Variants in CLEC16A observed in about 807,000 individuals in gnomAD.
CLEC16A encodes protein CLEC16A.
CLEC16A carries 51 observed loss-of-function variants against 109.5 expected under a neutral mutation model. The observed-to-expected ratio is 0.47, with a 90% CI of 0.37 to 0.59. The LOEUF is 0.59. Among genes scored for constraint, CLEC16A ranks in the 20% least tolerant of loss-of-function variants. CLEC16A has a pLI of 0.00. For missense variants in CLEC16A, 1,339 were observed against 1,394.0 expected (o/e 0.96, Z 0.63); for synonymous variants, 673 against 564.2 (o/e 1.19, Z -2.73).
intron 19 of CLEC16A, among the ~76,000 whole-genome samples, chr16:11,096,669 C>T (rs150953097): frequency 1.4e-3 from 219 of 152,272 alleles, no homozygotes; most frequent in Middle Eastern, 6.8e-3. Context: ...CTTAATTTTT[C>T]ACTCCAGGCC....
At chr16:11,011,510 C>A (rs1166897856) in intron 11 of CLEC16A, among the ~76,000 whole-genome samples, 2 of 152,142 alleles carry the variant, frequency 1.3e-5, no homozygotes, top group South Asian at 2.1e-4. Context: ...CAGTCACTTA[C>A]ACTTTCTGGC....
At chr16:11,130,484 G>A (rs1231578921) in intron 22 of CLEC16A, among the ~76,000 whole-genome samples, 2 of 152,206 alleles carry the variant, frequency 1.3e-5, no homozygotes, top group Non-Finnish European at 1.5e-5. Flanking sequence ...ATGTACCCAG[G>A]TGACAGATTT....
At chr16:11,176,860 G>A (rs949044772) in intron 23 of CLEC16A, among the ~76,000 whole-genome samples, 5 of 152,234 alleles carry the variant, frequency 3.3e-5, no homozygotes, top group Admixed American at 2.6e-4. Flanking sequence ...TTCGCTCCGT[G>A]ATGGGAGCTC....
At chr16:11,066,271 G>T (rs1023293987) in intron 19 of CLEC16A, among the ~76,000 whole-genome samples, 1 of 152,126 alleles carries the variant, frequency 6.6e-6, no homozygotes, top group Non-Finnish European at 1.5e-5. Context: ...AGGGACCAGG[G>T]GTCAGTGCTA....
chr16:11,140,997 A>G (rs1188421284), intron 22 of CLEC16A, among the ~76,000 whole-genome samples: 2 of 152,240 alleles, frequency 1.3e-5, no homozygotes, highest in African/African-American at 4.8e-5. Flanking sequence ...ACGTTATCGT[A>G]GTGTCATAAT....
chr16:11,063,878 G>C (rs2048624295), intron 19 of CLEC16A, among the ~76,000 whole-genome samples: 1 of 151,820 alleles, frequency 6.6e-6, no homozygotes, highest in Non-Finnish European at 1.5e-5. Context: ...AGCCACGTGT[G>C]CCACATCTGC....
intron 11 of CLEC16A, among the ~76,000 whole-genome samples, chr16:11,010,532 T>TC (rs2045336350): frequency 6.6e-6 from 1 of 152,182 alleles, no homozygotes; most frequent in African/African-American, 2.4e-5. Flanking sequence ...CCATTTACTT[T>TC]CCTATTGTAT....
At chr16:11,152,802 G>A (rs2070038873) in intron 22 of CLEC16A, among the ~76,000 whole-genome samples, 1 of 152,172 alleles carries the variant, frequency 6.6e-6, no homozygotes, top group Admixed American at 6.5e-5. Context: ...GCCTCCCTCT[G>A]ACACTGCTCC....
At chr16:11,087,252 G>A (rs996784480) in intron 19 of CLEC16A, among the ~76,000 whole-genome samples, 3 of 151,380 alleles carry the variant, frequency 2.0e-5, no homozygotes, top group Non-Finnish European at 4.4e-5. Context: ...TGCACACAAG[G>A]TGGACTTGTT....
At chr16:10,971,332 C>T (rs1249916204) in intron 5 of CLEC16A, 102 bp downstream of exon 5, 3 of 913,046 alleles carry the variant, frequency 3.3e-6, no homozygotes, top group Non-Finnish European at 5.0e-6. Context: ...CACGAGGGAG[C>T]ACATTGATGA....
intron 19 of CLEC16A, among the ~76,000 whole-genome samples, chr16:11,080,824 C>T (rs373054128): frequency 5.5e-4 from 84 of 152,340 alleles, no homozygotes; most frequent in African/African-American, 1.9e-3. Flanking sequence ...TTTTAGAACC[C>T]CTTCTGATTA....
chr16:11,025,745 T>C (rs1052862669), intron 13 of CLEC16A, among the ~76,000 whole-genome samples: 1 of 112,070 alleles, frequency 8.9e-6, no homozygotes, highest in Non-Finnish European at 1.8e-5. Flanking sequence ...ATACATGATA[T>C]AACTAAGTTT....
intron 22 of CLEC16A, among the ~76,000 whole-genome samples, chr16:11,138,261 G>A (rs940035688): frequency 3.3e-5 from 5 of 152,252 alleles, no homozygotes; most frequent in African/African-American, 1.2e-4. Flanking sequence ...CTGTGAGCAA[G>A]TCTTGCCAGC....
At position 11,181,217 on chromosome 16, in the gene CLEC16A, A is replaced by C. The variant is rs937412945; in HGVS notation, c.*2527A>C. ...CGGCAGTGGGCACAGCTATGTCTTC[A>C]GGAGCTCCCGTCAAACCTCATAGCT... On this transcript the variant is annotated 3_prime_UTR_variant, in exon 24 of 24. Transcript: ENST00000409790. 3.3e-5 allele frequency: 5 copies of C among 152,482 alleles called. No homozygotes were observed. Among genetic ancestry groups the C allele is most frequent in the African/African-American group, 1.2e-4 (5 of 41,588 alleles). 9.4% of individuals were successfully genotyped at this position (152,482 alleles called of 1,614,324 possible). A position where few individuals can be genotyped will look rare whatever the true frequency, so the allele number is the denominator to read the frequency against.
intron 2 of CLEC16A, among the ~76,000 whole-genome samples, chr16:10,959,422 T>A (rs2042148442): frequency 1.3e-5 from 2 of 152,146 alleles, no homozygotes; most frequent in Admixed American, 6.6e-5. Context: ...GATGGAGTCT[T>A]GCTCTGTCAT....
chr16:10,997,678 G>A lies in CLEC16A; in HGVS notation c.1072-5396G>A, dbSNP rs1295287096. Among the ~76,000 whole-genome samples, 6 of 152,220 alleles carry A rather than the reference G, an allele frequency of 3.9e-5. No individual in the cohort carries two copies. In the South Asian group the frequency reaches 1.0e-3, roughly 26 times the overall value. On this transcript the variant is annotated intron_variant, in intron 10 of 23. Transcript: ENST00000409790. ...GGTAATAAAACAATTGAGTGATGTAGACGCAGGTAGAGCAGAAAGTGAAAG... is the reference window on the plus strand; with the variant it reads ...GGTAATAAAACAATTGAGTGATGTAAACGCAGGTAGAGCAGAAAGTGAAAG...
At chr16:11,001,300 G>A (rs753631279) in intron 10 of CLEC16A, among the ~76,000 whole-genome samples, 1 of 152,186 alleles carries the variant, frequency 6.6e-6, no homozygotes, top group Non-Finnish European at 1.5e-5. Context: ...TGCCCAGGCT[G>A]GTCTTCAAAT....
chr16:11,115,305 T>C (rs1412374086), intron 19 of CLEC16A, among the ~76,000 whole-genome samples: 2 of 152,146 alleles, frequency 1.3e-5, no homozygotes, highest in East Asian at 3.8e-4. Context: ...AAGAACATGT[T>C]TATTGTTTTT....
chr16:11,054,932 C>CTTTT (rs151109740), intron 18 of CLEC16A, among the ~76,000 whole-genome samples: 1 of 130,612 alleles, frequency 7.7e-6, no homozygotes, highest in Non-Finnish European at 1.7e-5. Flanking sequence ...GGTTTTCTTT[C>CTTTT]TTTTTTTTTT....
Sources: gnomAD v4.1 joint callset for allele counts (sites outside exome capture counted in the v4.1 genomes callset) on GRCh38, gnomAD v4.1.1 for gene constraint, MANE v1.5 for transcripts, NCBI Gene and HGNC (gene_info 2026-07-23, HGNC 2026-07-21) for gene names.